RAB11FIP4: variants seen among roughly 807,000 people sequenced by gnomAD.
The protein encoded by RAB11FIP4 is rab11 family-interacting protein 4.
RAB11FIP4 carries 23 observed loss-of-function variants against 74.3 expected under a neutral mutation model. The ratio of observed to expected loss-of-function variants is 0.31; its 90% CI spans 0.22 to 0.44. The LOEUF (loss-of-function observed/expected upper bound fraction) is 0.44, where lower values mean the gene tolerates loss of function less well. Ranked by LOEUF, RAB11FIP4 falls within the 20% of genes least tolerant of loss-of-function variation. The pLI is 1.00. For synonymous variants in RAB11FIP4, 360 were observed against 359.9 expected, an observed-to-expected ratio of 1.00 and a Z score of 0.00; for missense variants, 630 against 863.9, an observed-to-expected ratio of 0.73 and a Z score of 3.39.
intron 1 of RAB11FIP4, among the ~76,000 whole-genome samples, chr17:31,426,063 C>A (rs554892250): frequency 6.6e-6 from 1 of 152,184 alleles, no homozygotes; most frequent in African/African-American, 2.4e-5. Context: ...CCAGGAAGGT[C>A]GAGACTCTTT....
At chr17:31,501,568 G>A (rs1428317995) in intron 3 of RAB11FIP4, among the ~76,000 whole-genome samples, 1 of 151,966 alleles carries the variant, frequency 6.6e-6, no homozygotes, top group African/African-American at 2.4e-5. Context: ...TGGCTCTGTT[G>A]CCCAGGATGG....
chr17:31,410,926 G>C (rs1213315414), intron 1 of RAB11FIP4, among the ~76,000 whole-genome samples: 1 of 152,168 alleles, frequency 6.6e-6, no homozygotes, highest in Non-Finnish European at 1.5e-5. Context: ...GGAAAATGCA[G>C]CTTCCAGGGT....
intron 1 of RAB11FIP4, among the ~76,000 whole-genome samples, chr17:31,405,930 A>C (rs1301361210): frequency 1.3e-5 from 2 of 151,186 alleles, no homozygotes; most frequent in Non-Finnish European, 3.0e-5. Flanking sequence ...TCCCTCTCCC[A>C]CCCCTGCCTC....
intron 3 of RAB11FIP4, among the ~76,000 whole-genome samples, chr17:31,499,439 T>G (rs1251134083): frequency 6.6e-6 from 1 of 152,068 alleles, no homozygotes; most frequent in African/African-American, 2.4e-5. Context: ...CACTGCAACC[T>G]CCTACTCCCT....
chr17:31,410,838 G>C (rs1047886990), intron 1 of RAB11FIP4, among the ~76,000 whole-genome samples: 6 of 152,194 alleles, frequency 3.9e-5, no homozygotes. Flanking sequence ...GCCACTCCCT[G>C]CTGGGTGAGG....
chr17:31,466,994 C>A (rs950515516), intron 3 of RAB11FIP4, among the ~76,000 whole-genome samples: 1 of 152,210 alleles, frequency 6.6e-6, no homozygotes, highest in Non-Finnish European at 1.5e-5. Flanking sequence ...GCTCTCCTGG[C>A]TCTTGGTGTC....
intron 1 of RAB11FIP4, among the ~76,000 whole-genome samples, chr17:31,397,555 C>T (rs2070942618): frequency 1.3e-5 from 2 of 152,170 alleles, no homozygotes; most frequent in South Asian, 4.1e-4. Flanking sequence ...GTGCCCTGAG[C>T]CTGGCAGAAA....
chr17:31,501,191 C>CT (rs200653351), intron 3 of RAB11FIP4, among the ~76,000 whole-genome samples: 36,133 of 145,482 alleles, frequency 0.25, 4,554 homozygotes, highest in Middle Eastern at 0.29. Context: ...GAGAATACAA[C>CT]TTTTTTTTTT....
intron 1 of RAB11FIP4, among the ~76,000 whole-genome samples, chr17:31,425,040 A>C (rs1446618389): frequency 6.6e-6 from 1 of 152,246 alleles, no homozygotes; most frequent in East Asian, 1.9e-4. Context: ...TTTTAGCAGA[A>C]ATAATAATTA....
chr17:31,522,198 C>T (rs1567691046), intron 6 of RAB11FIP4, 149 bp downstream of exon 6: 1 of 1,304,520 alleles, frequency 7.7e-7, no homozygotes, highest in African/African-American at 1.5e-5. Flanking sequence ...TTTTCTGCCA[C>T]AGGAAATCAG....
At chr17:31,419,146 T>C (rs1396346094) in intron 1 of RAB11FIP4, among the ~76,000 whole-genome samples, 3 of 152,186 alleles carry the variant, frequency 2.0e-5, no homozygotes, top group African/African-American at 7.2e-5. Context: ...TGTTTCTAGG[T>C]TTGGGTGATT....
intron 11 of RAB11FIP4, 55 bp from the exon 12 acceptor site, chr17:31,528,351 A>G (rs1254726430): frequency 6.3e-7 from 1 of 1,581,482 alleles, no homozygotes; most frequent in Non-Finnish European, 8.6e-7. Context: ...ACCCCTGGAC[A>G]TAGTGAGCCC....
At chr17:31,528,570 G>A in intron 12 of RAB11FIP4, 27 bp downstream of exon 12, 1 of 1,613,514 alleles carries the variant, frequency 6.2e-7, no homozygotes, top group Non-Finnish European at 8.5e-7. Context: ...CAGGCACCAG[G>A]GCTCCTTCCA....
intron 1 of RAB11FIP4, among the ~76,000 whole-genome samples, chr17:31,412,610 C>T (rs925490180): frequency 3.3e-5 from 5 of 152,204 alleles, no homozygotes; most frequent in South Asian, 2.1e-4. Context: ...ACAGGGACCA[C>T]GGATAGGAAG....
At chr17:31,431,721 T>TGCCAACCAACCAA in intron 1 of RAB11FIP4, 92 bp from the exon 2 acceptor site, 1 of 735,748 alleles carries the variant, frequency 1.4e-6, no homozygotes, top group Non-Finnish European at 2.5e-6. Flanking sequence ...GACACTGGTG[T>TGCCAACCAACCAA]CCCTCCCTCC....
chr17:31,521,730 T>C, intron 5 of RAB11FIP4, 185 bp from the exon 6 acceptor site: 2 of 679,000 alleles, frequency 2.9e-6, no homozygotes, highest in Non-Finnish European at 4.9e-6. Flanking sequence ...TGGGTATGCC[T>C]CACTGGCTTC....
chr17:31,494,789 T>G (rs1276164472), intron 3 of RAB11FIP4, among the ~76,000 whole-genome samples: 1 of 152,056 alleles, frequency 6.6e-6, no homozygotes, highest in Non-Finnish European at 1.5e-5. Context: ...CTTCTGTGTT[T>G]TTAACAAACC....
chr17:31,446,782 G>A (rs1305376614), intron 3 of RAB11FIP4, among the ~76,000 whole-genome samples: 2 of 152,104 alleles, frequency 1.3e-5, no homozygotes, highest in Admixed American at 6.5e-5. Flanking sequence ...GACACCAGGG[G>A]GCATCTTCCT....
intron 10 of RAB11FIP4, 97 bp from the exon 11 acceptor site, chr17:31,527,745 C>A: frequency 1.2e-6 from 1 of 846,920 alleles, no homozygotes; most frequent in Non-Finnish European, 1.9e-6. Flanking sequence ...TGGTATCTTT[C>A]CTCTGGGAGG....
Sources: allele counts gnomAD v4.1 joint callset (sites outside exome capture counted in the v4.1 genomes callset), GRCh38; gene constraint gnomAD v4.1.1; transcripts MANE v1.5; gene names NCBI Gene and HGNC (gene_info 2026-07-23, HGNC 2026-07-21).